The following POLH variants were observed in gnomAD, a reference collection of about 807,000 sequenced individuals.
POLH encodes the protein DNA polymerase eta, also known as DNA polymerase eta transcript.
In POLH, 53 loss-of-function variants were observed where a neutral mutation model predicts 73.6. The observed-to-expected ratio is 0.72, with a 90% CI of 0.58 to 0.91. The LOEUF (loss-of-function observed/expected upper bound fraction) is 0.91, where lower values mean the gene tolerates loss of function less well. Ranked by LOEUF, POLH falls within the 40% of genes least tolerant of loss-of-function variation. The pLI, the probability that POLH is intolerant of heterozygous loss-of-function variation, is 0.00. For synonymous variants in POLH, 292 were observed against 308.5 expected (o/e 0.95, Z 0.56); for missense variants, 768 against 865.4 (o/e 0.89, Z 1.41).
chr6:43,606,629 T>G lies in POLH; in HGVS notation c.1074+1310T>G, dbSNP rs59935385. 5.9e-3 allele frequency among the ~76,000 whole-genome samples: 899 copies of G among 152,072 alleles called. 12 individuals are homozygous for G. Among genetic ancestry groups the G allele is most frequent in the African/African-American group, 0.02 (838 of 41,462 alleles). ...TTTTTAGTAGAGACGGGGTTTTACCTTGTTGGCTGGGCTGATCTCGAACTC... is the reference window on the plus strand; with the variant it reads ...TTTTTAGTAGAGACGGGGTTTTACCGTGTTGGCTGGGCTGATCTCGAACTC... On this transcript the variant is annotated intron_variant, in intron 9 of 10. Transcript: ENST00000372236.
At chr6:43,589,013 T>C (rs1488630467) in intron 4 of POLH, among the ~76,000 whole-genome samples, 2 of 152,010 alleles carry the variant, frequency 1.3e-5, no homozygotes, top group African/African-American at 2.4e-5. Flanking sequence ...AATTTTTTTG[T>C]ATTTTTAGTA....
intron 9 of POLH, among the ~76,000 whole-genome samples, chr6:43,606,215 A>G (rs1767269652): frequency 6.6e-6 from 1 of 151,822 alleles, no homozygotes; most frequent in Admixed American, 6.6e-5. Flanking sequence ...TTTATTAACT[A>G]TAGTCCTCAC....
At position 43,616,789 on chromosome 6, in the gene POLH, A is replaced by G. The variant is rs989742012; in HGVS notation, c.*2232A>G. 2.0e-5 allele frequency among the ~76,000 whole-genome samples: 3 copies of G among 152,222 alleles called. No homozygotes were observed. Among genetic ancestry groups the G allele is most frequent in the African/African-American group, 4.8e-5 (2 of 41,450 alleles). On this transcript the variant is annotated 3_prime_UTR_variant, in exon 11 of 11. Transcript: ENST00000372236. ...AGTGAATTTCATACAGGTAAACCCT[A>G]TTATACCCTCAGTTCTAACCATTGG...
In POLH at chr6:43,578,726, G is replaced by C. The variant is rs555741904; in HGVS notation, c.-5+2286G>C. ...TTTGCGATTTTCTGTAAGTCTAAAA[G>C]TATTTCAGAGTAAAAGGTTGACATT... On this transcript the variant is annotated intron_variant, in intron 1 of 10. Coordinates refer to ENST00000372236, the MANE Select transcript of POLH (RefSeq NM_006502.3). Among the ~76,000 whole-genome samples, 9 of 152,300 alleles carry C rather than the reference G, an allele frequency of 5.9e-5. No individual in the cohort carries two copies. In the South Asian group the frequency reaches 1.9e-3, roughly 32 times the overall value.
intron 1 of POLH, among the ~76,000 whole-genome samples, chr6:43,579,356 A>C (rs780619681): frequency 4.2e-4 from 64 of 152,128 alleles, no homozygotes; most frequent in Non-Finnish European, 7.2e-4. Flanking sequence ...TTAGTATTAG[A>C]TCATATCTTT....
At chr6:43,580,775 C>T (rs1346760197) in intron 1 of POLH, among the ~76,000 whole-genome samples, 4 of 131,118 alleles carry the variant, frequency 3.1e-5, no homozygotes, top group Non-Finnish European at 6.7e-5. Context: ...CCGACCCCCC[C>T]ACCTCCCTCC....
chr6:43,578,442 A>C (rs1394985268), intron 1 of POLH: 2 of 446,906 alleles, frequency 4.5e-6, no homozygotes, highest in Non-Finnish European at 9.0e-6. Flanking sequence ...ATACCAATTA[A>C]GTTAGTATAT....
rs1203697642 is a variant in POLH at position 43,616,268 on chromosome 6, A to G, written c.*1711A>G. Among the ~76,000 whole-genome samples, 15 of 147,976 alleles carry G rather than the reference A, an allele frequency of 1.0e-4. No homozygotes were observed. The highest frequency in any genetic ancestry group is 2.7e-4 in the Admixed American group (4 of 14,824). ...GCACTCCAGCCTGGGTGACAGAGCGAGACTCCGTCTCAAAAAAAAAAAAAA... is the reference window on the plus strand; with the variant it reads ...GCACTCCAGCCTGGGTGACAGAGCGGGACTCCGTCTCAAAAAAAAAAAAAA... On this transcript the variant is annotated 3_prime_UTR_variant, in exon 11 of 11. Coordinates refer to ENST00000372236, the MANE Select transcript of POLH (RefSeq NM_006502.3).
rs776345153 is a variant in POLH, at chr6:43,597,817, A to G, written c.612A>G (p.Ile204Met). Residue 204 changes from isoleucine to methionine, a missense_variant, in exon 5 of 11, where the codon ATA (isoleucine) becomes ATG (methionine). Transcript: ENST00000372236. ...AVIVEEMRAA[I>M]ERETGFQCSA... ...TTGTGGAGGAAATGAGAGCAGCCAT[A>G]GAGAGGGAGACTGGTTTTCAGTGTT... The G allele has an allele frequency of 1.2e-6, 2 of 1,613,902 alleles. No homozygotes were observed. The highest frequency in any genetic ancestry group is 2.2e-5 in the East Asian group (1 of 44,894).
At chr6:43,578,067 G>A (rs1248674515) in intron 1 of POLH, among the ~76,000 whole-genome samples, 1 of 148,526 alleles carries the variant, frequency 6.7e-6, no homozygotes, top group Non-Finnish European at 1.5e-5. Context: ...GGTGACAGAC[G>A]GAGACTCTGT....
At position 43,590,033 on chromosome 6, in the gene POLH, T is replaced by C. The variant is rs540986468; in HGVS notation, c.490+2544T>C. Among the ~76,000 whole-genome samples, 3 of 152,214 alleles carry C rather than the reference T, an allele frequency of 2.0e-5. No homozygotes were observed. In the East Asian group the frequency reaches 5.8e-4, roughly 29 times the overall value. ...ATGTACTTGAAGGTTAATTTTTTTT[T>C]CTTAGATTTGAATAGAATTAGGACA... On this transcript the variant is annotated intron_variant, in intron 4 of 10. Coordinates refer to ENST00000372236, the MANE Select transcript of POLH (RefSeq NM_006502.3).
At chr6:43,579,043 T>A (rs1763715166) in intron 1 of POLH, among the ~76,000 whole-genome samples, 1 of 152,222 alleles carries the variant, frequency 6.6e-6, no homozygotes, top group Non-Finnish European at 1.5e-5. Context: ...ACAGGTTGAG[T>A]ATCTGTGATA....
rs752880762 is a variant in POLH, at chr6:43,597,898, A to C, written c.660+33A>C. 1.9e-6 allele frequency: 3 copies of C among 1,551,812 alleles called. No homozygotes were observed. The East Asian group carries it at 6.7e-5, about 35-fold the overall frequency. The stretch of plus-strand genomic sequence containing the variant: ...CTAATAGTAGATTTCAAAGAGAAAC[A>C]TTGATATCCTTAGTCAAATACAGTA... On this transcript the variant is annotated intron_variant, in intron 5 of 10. Transcript: ENST00000372236.
intron 4 of POLH, chr6:43,590,956 G>A (rs1425977062): frequency 6.7e-6 from 1 of 149,732 alleles, no homozygotes; most frequent in Non-Finnish European, 1.5e-5. Flanking sequence ...AAAAAAAGAT[G>A]TAACATGTAA....
chr6:43,589,845 A>C (rs1765240407), intron 4 of POLH, among the ~76,000 whole-genome samples: 1 of 150,204 alleles, frequency 6.7e-6, no homozygotes, highest in Non-Finnish European at 1.5e-5. Flanking sequence ...TTTTGTAGAG[A>C]CAGGGTCTCA....
At chr6:43,586,642 C>G (rs942908591) in intron 3 of POLH, among the ~76,000 whole-genome samples, 4 of 152,094 alleles carry the variant, frequency 2.6e-5, no homozygotes, top group South Asian at 2.1e-4. Context: ...TCACCACATT[C>G]TAGGTGCTTA....
intron 1 of POLH, among the ~76,000 whole-genome samples, chr6:43,580,481 G>A (rs1763939034): frequency 1.3e-5 from 2 of 149,316 alleles, no homozygotes; most frequent in South Asian, 4.2e-4. Context: ...TCCCAGTAGG[G>A]GCGGCCGGGC....
At chr6:43,603,156 C>A (rs888348667) in intron 6 of POLH, among the ~76,000 whole-genome samples, 1 of 151,602 alleles carries the variant, frequency 6.6e-6, no homozygotes, top group Non-Finnish European at 1.5e-5. Flanking sequence ...CACATGCCAC[C>A]ATGCCCAGTT....
intron 4 of POLH, among the ~76,000 whole-genome samples, chr6:43,592,925 C>T (rs888795719): frequency 1.6e-4 from 24 of 152,176 alleles, no homozygotes; most frequent in Middle Eastern, 3.4e-3. Flanking sequence ...CTATGTTGCC[C>T]GGGCTGGTCT....
Sources: gnomAD v4.1 joint callset for allele counts (sites outside exome capture counted in the v4.1 genomes callset) on GRCh38, gnomAD v4.1.1 for gene constraint, MANE v1.5 for transcripts, NCBI Gene and HGNC (gene_info 2026-07-23, HGNC 2026-07-21) for gene names.